ACTN1: variants seen among roughly 807,000 people sequenced by gnomAD.
ACTN1 encodes actinin alpha 1.
In ACTN1, 30 loss-of-function variants were observed where a neutral mutation model predicts 119.6. That is an observed-to-expected ratio of 0.25 (90% CI 0.19 to 0.34). ACTN1 has a LOEUF of 0.34. Ranked by LOEUF, ACTN1 falls within the 10% of genes least tolerant of loss-of-function variation. The pLI, the probability that ACTN1 is intolerant of heterozygous loss-of-function variation, is 1.00. For synonymous variants in ACTN1, 429 were observed against 472.6 expected (o/e 0.91, Z 1.20); for missense variants, 764 against 1,223.4 (o/e 0.62, Z 5.60).
At chr14:68,896,273 T>C (rs558719473) in intron 8 of ACTN1, among the ~76,000 whole-genome samples, 42 of 152,248 alleles carry the variant, frequency 2.8e-4, no homozygotes, top group African/African-American at 9.6e-4. Flanking sequence ...TGACTCCCCC[T>C]ACAGGCAGGA....
At chr14:68,921,274 A>G (rs1241969001) in intron 2 of ACTN1, 149 bp from the exon 3 acceptor site, 2 of 930,380 alleles carry the variant, frequency 2.1e-6, no homozygotes, top group Admixed American at 3.6e-5. Flanking sequence ...CACGCTGCTC[A>G]GGGGCTGGAG....
intron 1 of ACTN1, among the ~76,000 whole-genome samples, chr14:68,940,461 G>A (rs2035727638): frequency 6.6e-6 from 1 of 152,116 alleles, no homozygotes; most frequent in African/African-American, 2.4e-5. Flanking sequence ...GGTCTTATCT[G>A]TGGAATGGGA....
intron 10 of ACTN1, among the ~76,000 whole-genome samples, chr14:68,891,550 A>G (rs1258514344): frequency 1.3e-5 from 2 of 152,162 alleles, no homozygotes; most frequent in Non-Finnish European, 2.9e-5. Flanking sequence ...CATTTTTTTT[A>G]AAGTTGATAC....
chr14:68,966,181 C>G (rs1411936539), intron 1 of ACTN1, among the ~76,000 whole-genome samples: 2 of 152,180 alleles, frequency 1.3e-5, no homozygotes, highest in Non-Finnish European at 2.9e-5. Context: ...CATGCCACTG[C>G]ACTCCAGCCT....
chr14:68,901,623 G>GC (rs2033339633), intron 8 of ACTN1, among the ~76,000 whole-genome samples: 1 of 152,174 alleles, frequency 6.6e-6, no homozygotes, highest in Non-Finnish European at 1.5e-5. Flanking sequence ...AAGATTCTGT[G>GC]GTCATGGTGA....
intron 1 of ACTN1, among the ~76,000 whole-genome samples, chr14:68,951,317 G>C (rs1484799673): frequency 6.6e-6 from 1 of 152,180 alleles, no homozygotes; most frequent in Non-Finnish European, 1.5e-5. Context: ...TTTTTACTCA[G>C]ACTGTTATGG....
chr14:68,910,068 G>C, intron 4 of ACTN1, 26 bp from the exon 5 acceptor site: 1 of 1,599,686 alleles, frequency 6.3e-7, no homozygotes. Context: ...TGGGCAGCGA[G>C]GTCAGAGGGC....
At position 68,909,501 on chromosome 14, in the gene ACTN1, A is replaced by G; in HGVS notation, c.516-105T>C. The stretch of plus-strand genomic sequence containing the variant: ...CTAGACACCAGAGAGATGAACACAT[A>G]GAGCTTTCTGGGGTAGGAGTTAGAA... On this transcript the variant is annotated intron_variant, in intron 5 of 21. Transcript: ENST00000394419. This position sits in a 1 kb window ranked among gnomAD's most constrained non-coding sequence, Gnocchi z 4.1. 3 of 1,014,338 alleles carry G rather than the reference A, an allele frequency of 3.0e-6. 1 individual carries two copies. In the South Asian group the frequency reaches 4.1e-5, roughly 14 times the overall value. 62.8% of individuals were successfully genotyped at this position (1,014,338 alleles called of 1,614,324 possible). A position where few individuals can be genotyped will look rare whatever the true frequency, so the allele number is the denominator to read the frequency against.
intron 3 of ACTN1, among the ~76,000 whole-genome samples, chr14:68,920,318 C>T (rs569443856): frequency 1.8e-4 from 27 of 152,274 alleles, no homozygotes; most frequent in African/African-American, 4.3e-4. Flanking sequence ...TCTGACATCA[C>T]GCAGCAGGTG....
rs533045140 is a variant in ACTN1 at position 68,875,478 on chromosome 14, G to A, written c.2587-461C>T. Among the ~76,000 whole-genome samples, 4 of 152,332 alleles carry A rather than the reference G, an allele frequency of 2.6e-5. No individual in the cohort carries two copies. The East Asian group carries it at 7.7e-4, about 29-fold the overall frequency. The stretch of plus-strand genomic sequence containing the variant: ...AGATTAAGAACACCATCCATGTTTG[G>A]GCATCACTGCTTCCCAAATATGGCC... On this transcript the variant is annotated intron_variant, in intron 21 of 21. Transcript: ENST00000394419.
rs1348734120 is a variant in ACTN1 at position 68,880,890 on chromosome 14, T to A, written c.2053A>T (p.Ile685Phe). ...EKSIVNYKPK[I>F]DQLEGDHQLI... ...TGGTGGTCGCCCTCCAGCTGATCAA[T>A]CTTTGGCTTGTAGTTGACGATGCTC... The change falls in exon 17 of 22, where the codon ATT becomes TTT. Residue 685 changes from isoleucine to phenylalanine, a missense_variant. Physicochemically the swap from Ile to Phe is conservative, Grantham distance 21. This residue lies in a region of ACTN1 where 544 missense variants were observed against 912.0 expected (regional missense o/e 0.60). Transcript: ENST00000394419. This position sits in a 1 kb window ranked among gnomAD's most constrained non-coding sequence, Gnocchi z 4.6. 5 of 1,613,922 alleles carry A rather than the reference T, an allele frequency of 3.1e-6. No homozygotes were observed. Among genetic ancestry groups the A allele is most frequent in the Non-Finnish European group, 3.4e-6 (4 of 1,179,966 alleles).
chr14:68,954,513 A>G (rs2036283276), intron 1 of ACTN1, among the ~76,000 whole-genome samples: 1 of 152,002 alleles, frequency 6.6e-6, no homozygotes, highest in Non-Finnish European at 1.5e-5. Flanking sequence ...TTTTTAGTAT[A>G]GACGGGGTTT....
chr14:68,912,110 G>C, intron 4 of ACTN1, 46 bp downstream of exon 4: 1 of 1,580,532 alleles, frequency 6.3e-7, no homozygotes, highest in Non-Finnish European at 8.7e-7. Flanking sequence ...AGCCCAGGGA[G>C]GGAGACGAGA....
chr14:68,972,067 G>A (rs538460488), intron 1 of ACTN1, among the ~76,000 whole-genome samples: 53 of 152,240 alleles, frequency 3.5e-4, no homozygotes, highest in Non-Finnish European at 5.3e-4. Flanking sequence ...GAGAGCACAC[G>A]GAGAGAAGCA....
intron 3 of ACTN1, among the ~76,000 whole-genome samples, chr14:68,912,888 T>C (rs976067296): frequency 6.6e-6 from 1 of 152,158 alleles, no homozygotes; most frequent in Non-Finnish European, 1.5e-5. Flanking sequence ...GTTCTGGCAA[T>C]TCTGTGAGCT....
At chr14:68,907,083 G>C (rs1400330861) in intron 6 of ACTN1, among the ~76,000 whole-genome samples, 1 of 143,254 alleles carries the variant, frequency 7.0e-6, no homozygotes, top group South Asian at 2.3e-4. Flanking sequence ...GACCAGCCTG[G>C]CCAACATGGT....
Position 68,884,783 on chromosome 14 carries a change from C to A in ACTN1, c.1486G>T (p.Ala496Ser), listed in dbSNP as rs1477911020. Residue 496 changes from alanine (A) to serine (S), a missense_variant, in exon 13 of 22, where the codon GCT (alanine) becomes TCT (serine). Around this residue, in one of 4 missense-constraint regions of ACTN1, gnomAD observed 544 missense variants for 912.0 expected, o/e 0.60. Coordinates refer to ENST00000394419, the MANE Select transcript of ACTN1 (RefSeq NM_001130004.2). ...CCTCTGGGACCTCTCACCTCCAGAG[C>A]TTCCCTTCGCTTCTGAGTTAGGGCC... Reference protein sequence around the residue: ...LGALTQKRREALERTEKLLET... With the variant: ...LGALTQKRRESLERTEKLLET... The A allele has an allele frequency of 6.2e-7, 1 of 1,613,266 alleles. No individual in the cohort carries two copies. The highest frequency in any genetic ancestry group is 8.5e-7 in the Non-Finnish European group (1 of 1,179,148).
chr14:68,914,819 C>G (rs959525202), intron 3 of ACTN1, among the ~76,000 whole-genome samples: 4 of 152,074 alleles, frequency 2.6e-5, no homozygotes, highest in African/African-American at 9.7e-5. Context: ...AAGTTGAAAA[C>G]CACACGCCTT....
intron 9 of ACTN1, among the ~76,000 whole-genome samples, chr14:68,893,350 T>C (rs2032641169): frequency 6.6e-6 from 1 of 151,838 alleles, no homozygotes; most frequent in East Asian, 1.9e-4. Flanking sequence ...AGACTAAGAG[T>C]ACACTAGGCT....
Sources: allele counts gnomAD v4.1 joint callset (sites outside exome capture counted in the v4.1 genomes callset), GRCh38; gene constraint gnomAD v4.1.1; regional missense constraint gnomAD v4.1.1; non-coding constraint Gnocchi (gnomAD v3.1); transcripts MANE v1.5; gene names NCBI Gene and HGNC (gene_info 2026-07-23, HGNC 2026-07-21).